TRIM38: variants seen among roughly 807,000 people sequenced by gnomAD.
TRIM38 encodes the protein E3 ubiquitin-protein ligase TRIM38.
In TRIM38, 35 loss-of-function variants were observed where a neutral mutation model predicts 35.8. That is an observed-to-expected ratio of 0.98 (90% CI 0.75 to 1.30). TRIM38 has a LOEUF of 1.30. Among genes scored for constraint, TRIM38 ranks in the 50% most tolerant of loss-of-function variants. The pLI is 0.00. For missense variants in TRIM38, 545 were observed against 556.9 expected, an observed-to-expected ratio of 0.98 and a Z score of 0.21; for synonymous variants, 198 against 204.7, an observed-to-expected ratio of 0.97 and a Z score of 0.28.
chr6:25,983,841 A>C lies in TRIM38; in HGVS notation c.*154A>C. 1.4e-6 allele frequency: 1 copy of C among 689,930 alleles called. No homozygotes were observed. Among genetic ancestry groups the C allele is most frequent in the South Asian group, 2.3e-5 (1 of 43,408 alleles). The allele number at this position is 689,930 out of a possible 1,614,324, so 42.7% of individuals were successfully genotyped here. On this transcript the variant is annotated 3_prime_UTR_variant, in exon 8 of 8. Coordinates refer to ENST00000357085, the MANE Select transcript of TRIM38 (RefSeq NM_006355.5). ...TGGATATATAATTGATTTATGTTGA[A>C]TATATGGACTTAGCAACTAAAAATA...
At chr6:25,963,723 A>G (rs905400768) in intron 2 of TRIM38, among the ~76,000 whole-genome samples, 10 of 152,296 alleles carry the variant, frequency 6.6e-5, no homozygotes, top group African/African-American at 1.7e-4. Flanking sequence ...GGGAGAGGGC[A>G]CAAAAAGGAT....
Position 25,966,434 on chromosome 6 carries a change from C to T in TRIM38, c.-89C>T, listed in dbSNP as rs1760046360. 1 of 1,354,456 alleles carries T rather than the reference C, an allele frequency of 7.4e-7. No homozygotes were observed. Among genetic ancestry groups the T allele is most frequent in the Non-Finnish European group, 9.9e-7 (1 of 1,012,504 alleles). 83.9% of individuals were successfully genotyped at this position (1,354,456 alleles called of 1,614,324 possible). ...GCAGCCAGCTCATCACATAGAGGTG[C>T]AGGTGAGGTGTATTTTCATCACGGT... On this transcript the variant is annotated 5_prime_UTR_variant, in exon 3 of 8. Coordinates refer to ENST00000357085, the MANE Select transcript of TRIM38 (RefSeq NM_006355.5).
In TRIM38 at chr6:25,983,753, G is replaced by T; in HGVS notation, c.*66G>T. The stretch of plus-strand genomic sequence containing the variant: ...AAATAATATAAATCCCATAAGGGCA[G>T]ACGTTTGGTCTGTTTTCTTCGCTGT... On this transcript the variant is annotated 3_prime_UTR_variant, in exon 8 of 8. Coordinates refer to ENST00000357085, the MANE Select transcript of TRIM38 (RefSeq NM_006355.5). 7.0e-7 allele frequency: 1 copy of T among 1,430,660 alleles called. No individual in the cohort carries two copies. Among genetic ancestry groups the T allele is most frequent in the South Asian group, 1.4e-5 (1 of 71,696 alleles). 88.6% of individuals were successfully genotyped at this position (1,430,660 alleles called of 1,614,324 possible). A position where few individuals can be genotyped will look rare whatever the true frequency, so the allele number is the denominator to read the frequency against.
At chr6:25,970,946 G>A (rs62394540) in intron 4 of TRIM38, among the ~76,000 whole-genome samples, 15,496 of 152,048 alleles carry the variant, frequency 0.1, 1,040 homozygotes, top group Middle Eastern at 0.19. Flanking sequence ...ACATAGGAAT[G>A]CTTAAGATGA....
chr6:25,982,534 T>G (rs569262063), intron 7 of TRIM38, among the ~76,000 whole-genome samples: 14 of 152,292 alleles, frequency 9.2e-5, no homozygotes, highest in Non-Finnish European at 1.9e-4. Context: ...CGCCGGACTT[T>G]GTAGCCCCCA....
chr6:25,972,044 G>A lies in TRIM38; in HGVS notation c.683G>A (p.Ser228Asn), dbSNP rs1760251982. 1.2e-6 allele frequency: 2 copies of A among 1,614,038 alleles called. No homozygotes were observed. The highest frequency in any genetic ancestry group is 2.2e-5 in the East Asian group (1 of 44,890). ...GGGCTGAAGAGCAATGAACTCAAGA[G>A]CCACATCCTGGAACTGGAGGAAAAA... ...GLGLKSNELK[S>N]HILELEEKCQ... The change falls in exon 5 of 8, where the codon AGC (serine) becomes AAC (asparagine). Residue 228 changes from serine to asparagine, a missense_variant. By Grantham distance (46) the Ser-to-Asn change is conservative. Coordinates refer to ENST00000357085, the MANE Select transcript of TRIM38 (RefSeq NM_006355.5).
At chr6:25,970,989 A>G (rs1008718894) in intron 4 of TRIM38, among the ~76,000 whole-genome samples, 1 of 152,126 alleles carries the variant, frequency 6.6e-6, no homozygotes, top group Non-Finnish European at 1.5e-5. Context: ...TTCTCAGTTA[A>G]CCATAATAAA....
Position 25,973,050 on chromosome 6 carries a change from A to C in TRIM38, c.739-4A>C. On this transcript the variant is annotated splice_polypyrimidine_tract_variant and splice_region_variant and intron_variant, in intron 5 of 7. Transcript: ENST00000357085. ...GCTCACCTTTTCTTTTTGTTTCTTT[A>C]TAGAATGTGAATGACACTTTGAGCA... The C allele has an allele frequency of 6.2e-7, 1 of 1,614,136 alleles. No individual in the cohort carries two copies. Among genetic ancestry groups the C allele is most frequent in the Non-Finnish European group, 8.5e-7 (1 of 1,180,010 alleles).
chr6:25,975,594 C>T, intron 7 of TRIM38: 1 of 981,096 alleles, frequency 1.0e-6, no homozygotes, highest in Non-Finnish European at 1.2e-6. Flanking sequence ...GCAACAAATA[C>T]ATTTTAATCA....
At chr6:25,974,799 T>C in intron 7 of TRIM38, 1 of 799,978 alleles carries the variant, frequency 1.3e-6, no homozygotes, top group Non-Finnish European at 1.5e-6. Flanking sequence ...GCCCATTTTG[T>C]TCCAGGGATT....
chr6:25,964,783 A>G (rs1395816619), intron 2 of TRIM38, among the ~76,000 whole-genome samples: 2 of 151,622 alleles, frequency 1.3e-5, no homozygotes, highest in Non-Finnish European at 2.9e-5. Context: ...TGTTACTACT[A>G]ATTACAAAGA....
chr6:25,965,722 G>T (rs1420357624), intron 2 of TRIM38, among the ~76,000 whole-genome samples: 19 of 151,802 alleles, frequency 1.3e-4, no homozygotes, highest in Admixed American at 1.1e-3. Context: ...TCAAGAGATC[G>T]AGCCAACCAA....
intron 7 of TRIM38, among the ~76,000 whole-genome samples, chr6:25,980,086 C>T (rs533535434): frequency 1.3e-5 from 2 of 152,290 alleles, no homozygotes; most frequent in Non-Finnish European, 2.9e-5. Context: ...TCAGTTAGTG[C>T]ATGTTCCATC....
rs1760800827 is a variant in TRIM38 at position 25,989,920 on chromosome 6, T to A, written c.*6233T>A. 6.6e-6 allele frequency: 1 copy of A among 152,162 alleles called. No individual in the cohort carries two copies. Among genetic ancestry groups the A allele is most frequent in the African/African-American group, 2.4e-5 (1 of 41,436 alleles). The allele number at this position is 152,162 out of a possible 1,614,324, so 9.4% of individuals were successfully genotyped here. On this transcript the variant is annotated 3_prime_UTR_variant, in exon 8 of 8. Coordinates refer to ENST00000357085, the MANE Select transcript of TRIM38 (RefSeq NM_006355.5). Reference sequence around the variant, plus strand: ...TTTATTTCAGGCAACTAATATCTATTCATTTTTGCACTGTTGGAAGAAAAT... The same window carrying A: ...TTTATTTCAGGCAACTAATATCTATACATTTTTGCACTGTTGGAAGAAAAT...
At position 25,991,204 on chromosome 6, in the gene TRIM38, A is replaced by G. The variant is rs375123998; in HGVS notation, c.*7517A>G. 2 of 152,204 alleles carry G rather than the reference A, an allele frequency of 1.3e-5. No individual in the cohort carries two copies. The allele number at this position is 152,204 out of a possible 1,614,324, so 9.4% of individuals were successfully genotyped here. A position where few individuals can be genotyped will look rare whatever the true frequency, so the allele number is the denominator to read the frequency against. On this transcript the variant is annotated 3_prime_UTR_variant, in exon 8 of 8. Coordinates refer to ENST00000357085, the MANE Select transcript of TRIM38 (RefSeq NM_006355.5). ...CTTTAATGTGTTGGACACTGGGTCC[A>G]TTAAAGATTGTATGTGAAATTATAA...
At chr6:25,975,289 A>C (rs1760359300) in intron 7 of TRIM38, 2 of 263,600 alleles carry the variant, frequency 7.6e-6, no homozygotes, top group African/African-American at 2.3e-5. Flanking sequence ...AGCTCACTGC[A>C]GCCTCTGCCT....
At chr6:25,975,923 C>T (rs780973609) in intron 7 of TRIM38, among the ~76,000 whole-genome samples, 1 of 152,162 alleles carries the variant, frequency 6.6e-6, no homozygotes, top group Non-Finnish European at 1.5e-5. Flanking sequence ...GAACATACCC[C>T]AAACTGGGAT....
intron 7 of TRIM38, among the ~76,000 whole-genome samples, chr6:25,981,604 T>C (rs1179908641): frequency 1.3e-5 from 2 of 152,250 alleles, no homozygotes; most frequent in African/African-American, 2.4e-5. Flanking sequence ...ATATTTTTCA[T>C]GTATATTGGT....
chr6:25,979,973 TTTTTA>T (rs1760499202), intron 7 of TRIM38, among the ~76,000 whole-genome samples: 1 of 152,186 alleles, frequency 6.6e-6, no homozygotes, highest in African/African-American at 2.4e-5. Context: ...TTTAGTCATC[TTTTTA>T]TTATTGGTTT....
Sources: allele counts gnomAD v4.1 joint callset (sites outside exome capture counted in the v4.1 genomes callset), GRCh38; gene constraint gnomAD v4.1.1; transcripts MANE v1.5; gene names NCBI Gene and HGNC (gene_info 2026-07-23, HGNC 2026-07-21).